NFIX: variants seen among roughly 807,000 people sequenced by gnomAD.
The protein encoded by NFIX is nuclear factor 1 X-type.
A neutral mutation model predicts 53.3 loss-of-function variants in NFIX; 2 were observed. That is an observed-to-expected ratio of 0.04 (90% CI 0.02 to 0.12). NFIX has a LOEUF of 0.12. Among genes scored for constraint, NFIX ranks in the 10% least tolerant of loss-of-function variants. The pLI is 1.00. For missense variants in NFIX, 310 were observed against 674.5 expected, an observed-to-expected ratio of 0.46 and a Z score of 5.99; for synonymous variants, 244 against 289.0, an observed-to-expected ratio of 0.84 and a Z score of 1.58.
chr19:13,058,109 G>T (rs2015826307), intron 2 of NFIX, among the ~76,000 whole-genome samples: 1 of 151,986 alleles, frequency 6.6e-6, no homozygotes, highest in Admixed American at 6.5e-5. Context: ...CCCTAAGTTG[G>T]GGTGAGGTGG....
chr19:13,072,995 C>T lies in NFIX; in HGVS notation c.560-52C>T. On this transcript the variant is annotated intron_variant, in intron 2 of 10. Transcript: ENST00000592199. This position sits in a 1 kb window ranked among gnomAD's most constrained non-coding sequence, Gnocchi z 4.0. ...TGGAGGGGCCAATGCTTGGCTGGTG[C>T]TTATGGGGAACTTTGCTCCTGATAC... The T allele has an allele frequency of 6.4e-7, 1 of 1,568,562 alleles. No homozygotes were observed. The highest frequency in any genetic ancestry group is 8.8e-7 in the Non-Finnish European group (1 of 1,138,756).
intron 1 of NFIX, among the ~76,000 whole-genome samples, chr19:13,010,125 G>C (rs561927925): frequency 2.0e-5 from 3 of 152,316 alleles, no homozygotes; most frequent in Admixed American, 2.0e-4. Flanking sequence ...CCTGCTCCTG[G>C]GGCTTCCCCC....
Position 13,078,566 on chromosome 19 carries a change from C to G in NFIX, c.956-47C>G, listed in dbSNP as rs749436755. 9 of 1,565,446 alleles carry G rather than the reference C, an allele frequency of 5.7e-6. No individual in the cohort carries two copies. Among genetic ancestry groups the G allele is most frequent in the Non-Finnish European group, 7.8e-6 (9 of 1,153,632 alleles). On this transcript the variant is annotated intron_variant, in intron 6 of 10. Coordinates refer to ENST00000592199, the MANE Select transcript of NFIX (RefSeq NM_001365902.3). The surrounding 1 kb of genome is among the most constrained non-coding windows in gnomAD (Gnocchi z 4.7). ...TGGCTTCCCGCCTTCCCCGCACCCACCCCAGCCCAGCTAAACCTGCCCTGT... is the reference window on the plus strand; with the variant it reads ...TGGCTTCCCGCCTTCCCCGCACCCAGCCCAGCCCAGCTAAACCTGCCCTGT...
In NFIX at chr19:13,094,735, C is replaced by T. The variant is rs1361618597; in HGVS notation, c.*86C>T. Reference sequence around the variant, plus strand: ...AAATTTTGAGAATGGAAAAATCCCCCAGCCCAGCCCAGCCCCACCGAAAAG... The same window carrying T: ...AAATTTTGAGAATGGAAAAATCCCCTAGCCCAGCCCAGCCCCACCGAAAAG... On this transcript the variant is annotated 3_prime_UTR_variant, in exon 11 of 11. Coordinates refer to ENST00000592199, the MANE Select transcript of NFIX (RefSeq NM_001365902.3). The surrounding 1 kb of genome is among the most constrained non-coding windows in gnomAD (Gnocchi z 4.3). 23 of 1,354,278 alleles carry T rather than the reference C, an allele frequency of 1.7e-5. No homozygotes were observed. In the South Asian group the frequency reaches 2.6e-4, roughly 16 times the overall value. The allele number at this position is 1,354,278 out of a possible 1,614,324, so 83.9% of individuals were successfully genotyped here. A position where few individuals can be genotyped will look rare whatever the true frequency, so the allele number is the denominator to read the frequency against.
chr19:13,016,439 G>A (rs1429257123), intron 1 of NFIX, among the ~76,000 whole-genome samples: 5 of 152,150 alleles, frequency 3.3e-5, no homozygotes, highest in Non-Finnish European at 7.3e-5. Flanking sequence ...AAGAAATGGT[G>A]AGGAGTAAGT....
chr19:13,023,431 C>T (rs1161361675), intron 1 of NFIX, among the ~76,000 whole-genome samples: 1 of 151,848 alleles, frequency 6.6e-6, no homozygotes, highest in East Asian at 1.9e-4. Context: ...CGAGCTCCCC[C>T]TTTTCCTCCG....
intron 2 of NFIX, among the ~76,000 whole-genome samples, chr19:13,063,443 G>C (rs1433247107): frequency 2.0e-5 from 3 of 151,842 alleles, no homozygotes; most frequent in Non-Finnish European, 4.4e-5. Context: ...TGCACACAAA[G>C]CCACTCTTGA....
chr19:13,018,341 G>GGT (rs1555695598), intron 1 of NFIX, among the ~76,000 whole-genome samples: 1 of 117,938 alleles, frequency 8.5e-6, no homozygotes, highest in African/African-American at 2.9e-5. Flanking sequence ...GGGGCGGGGG[G>GGT]GGGGGGGGGG....
chr19:13,003,593 C>A (rs1319257548), intron 1 of NFIX, among the ~76,000 whole-genome samples: 1 of 152,186 alleles, frequency 6.6e-6, no homozygotes, highest in Admixed American at 6.5e-5. Flanking sequence ...ACTCCCTAAC[C>A]CAGTGTCACC....
chr19:13,081,789 G>A lies in NFIX; in HGVS notation c.1188G>A (p.Gly396=), dbSNP rs2017487449. The change falls in exon 8 of 11, where the codon GGG becomes GGA. Residue 396 remains glycine (G), a synonymous_variant. Transcript: ENST00000592199. This position sits in a 1 kb window ranked among gnomAD's most constrained non-coding sequence, Gnocchi z 4.7. Reference sequence around the variant, plus strand: ...CCATCCGCTACCACCACCACCACGGGCAGGACTCACTGAAGGAGTTTGTGC... The same window carrying A: ...CCATCCGCTACCACCACCACCACGGACAGGACTCACTGAAGGAGTTTGTGC... ...HPTIRYHHHH[G]QDSLKEFVQF... 1 of 1,613,884 alleles carries A rather than the reference G, an allele frequency of 6.2e-7. No individual in the cohort carries two copies. The highest frequency in any genetic ancestry group is 1.3e-5 in the African/African-American group (1 of 74,926).
intron 2 of NFIX, among the ~76,000 whole-genome samples, chr19:13,059,764 T>C (rs2015942312): frequency 6.7e-6 from 1 of 148,614 alleles, no homozygotes; most frequent in South Asian, 2.1e-4. Context: ...TCTAATTTGA[T>C]TTAATTAGAA....
intron 2 of NFIX, among the ~76,000 whole-genome samples, chr19:13,031,949 T>C (rs1324421135): frequency 3.9e-5 from 6 of 151,966 alleles, no homozygotes; most frequent in Non-Finnish European, 7.4e-5. Flanking sequence ...CCCCTTTTTC[T>C]CTTTGCCCTG....
At position 13,036,423 on chromosome 19, in the gene NFIX, G is replaced by A. The variant is rs542479806; in HGVS notation, c.559+10871G>A. Reference sequence around the variant, plus strand: ...GGGCTGTGGAAATGAGAAACCGGACGAGACAGAGAGGGAATCCAGAGAGGG... The same window carrying A: ...GGGCTGTGGAAATGAGAAACCGGACAAGACAGAGAGGGAATCCAGAGAGGG... On this transcript the variant is annotated intron_variant, in intron 2 of 10. Coordinates refer to ENST00000592199, the MANE Select transcript of NFIX (RefSeq NM_001365902.3). This position sits in a 1 kb window ranked among gnomAD's most constrained non-coding sequence, Gnocchi z 4.7. 8.5e-5 allele frequency among the ~76,000 whole-genome samples: 13 copies of A among 152,244 alleles called. No individual in the cohort carries two copies. The East Asian group carries it at 1.9e-3, about 23-fold the overall frequency.
At chr19:13,091,673 G>A (rs2018148224) in intron 10 of NFIX, among the ~76,000 whole-genome samples, 1 of 152,186 alleles carries the variant, frequency 6.6e-6, no homozygotes, top group Admixed American at 6.5e-5. Context: ...GGGAGGCCGA[G>A]AGAGCCCTGC....
intron 2 of NFIX, among the ~76,000 whole-genome samples, chr19:13,059,399 C>A (rs2015916440): frequency 6.6e-6 from 1 of 152,230 alleles, no homozygotes; most frequent in East Asian, 1.9e-4. Flanking sequence ...GTGTATTCCT[C>A]CTCCCTTCTC....
chr19:13,069,209 C>T (rs1163039470), intron 2 of NFIX, among the ~76,000 whole-genome samples: 1 of 152,180 alleles, frequency 6.6e-6, no homozygotes, highest in Non-Finnish European at 1.5e-5. Flanking sequence ...CCTGAAGAGA[C>T]TGGGAGGGTG....
In NFIX at chr19:13,090,219, C is replaced by G. The variant is rs1039052006; in HGVS notation, c.1403-80C>G. On this transcript the variant is annotated intron_variant, in intron 9 of 10. Coordinates refer to ENST00000592199, the MANE Select transcript of NFIX (RefSeq NM_001365902.3). The surrounding 1 kb of genome is among the most constrained non-coding windows in gnomAD (Gnocchi z 6.6). Reference sequence around the variant, plus strand: ...ATGGTCTAACTCAGTCTCTCCCTCTCTCAGCAGCCCCGAGGGGCAGTGCCC... The same window carrying G: ...ATGGTCTAACTCAGTCTCTCCCTCTGTCAGCAGCCCCGAGGGGCAGTGCCC... The G allele has an allele frequency of 7.4e-7, 1 of 1,350,706 alleles. No homozygotes were observed. Among genetic ancestry groups the G allele is most frequent in the Admixed American group, 1.7e-5 (1 of 59,498 alleles). 83.7% of individuals were successfully genotyped at this position (1,350,706 alleles called of 1,614,324 possible). A position where few individuals can be genotyped will look rare whatever the true frequency, so the allele number is the denominator to read the frequency against.
rs940008793 is a variant in NFIX at position 13,081,241 on chromosome 19, T to C, written c.1079-439T>C. Among the ~76,000 whole-genome samples, 6 of 151,960 alleles carry C rather than the reference T, an allele frequency of 3.9e-5. No individual in the cohort carries two copies. Among genetic ancestry groups the C allele is most frequent in the African/African-American group, 1.2e-4 (5 of 41,320 alleles). ...GATTGCATGAGCCCAGGAGGATTGC[T>C]TGCCGTGATCCGTGTTTGTGCCACT... On this transcript the variant is annotated intron_variant, in intron 7 of 10. Transcript: ENST00000592199. This position sits in a 1 kb window ranked among gnomAD's most constrained non-coding sequence, Gnocchi z 4.7.
chr19:13,032,798 A>G (rs1046911218), intron 2 of NFIX, among the ~76,000 whole-genome samples: 4 of 152,196 alleles, frequency 2.6e-5, no homozygotes, highest in Non-Finnish European at 5.9e-5. Flanking sequence ...ATGGAAGGCC[A>G]TGTTTGTCCA....
Sources: gnomAD v4.1 joint callset for allele counts (sites outside exome capture counted in the v4.1 genomes callset) on GRCh38, gnomAD v4.1.1 for gene constraint, Gnocchi (gnomAD v3.1) non-coding constraint, MANE v1.5 for transcripts, NCBI Gene and HGNC (gene_info 2026-07-23, HGNC 2026-07-21) for gene names.